TMTC1: variants seen among roughly 807,000 people sequenced by gnomAD.
TMTC1 encodes the protein transmembrane O-mannosyltransferase targeting cadherins 1.
TMTC1 carries 73 observed loss-of-function variants against 104.8 expected under a neutral mutation model. That is an observed-to-expected ratio of 0.70 (90% confidence interval 0.58 to 0.85). The LOEUF (loss-of-function observed/expected upper bound fraction) is 0.85, where lower values mean the gene tolerates loss of function less well. TMTC1 is among the 40% of genes least tolerant of loss of function. The pLI is 0.00. For synonymous variants in TMTC1, 434 were observed against 428.7 expected (o/e 1.01, Z -0.15); for missense variants, 1,035 against 1,096.1 (o/e 0.94, Z 0.79).
intron 6 of TMTC1, among the ~76,000 whole-genome samples, chr12:29,628,567 AG>A (rs1427762274): frequency 6.6e-6 from 1 of 152,196 alleles, no homozygotes. Context: ...AAACATTTAC[AG>A]TCTATTCTCT....
chr12:29,553,129 T>C (rs1945149806), intron 10 of TMTC1, among the ~76,000 whole-genome samples: 1 of 152,176 alleles, frequency 6.6e-6, no homozygotes, highest in Non-Finnish European at 1.5e-5. Context: ...AGTCTAATAT[T>C]ATGTAATGTT....
chr12:29,773,695 A>G (rs1943645311), intron 1 of TMTC1, among the ~76,000 whole-genome samples: 1 of 152,154 alleles, frequency 6.6e-6, no homozygotes, highest in African/African-American at 2.4e-5. Context: ...TCCTAGGGAC[A>G]ATATGATTAA....
In TMTC1 at chr12:29,616,311, A is replaced by T. The variant is rs1017305112; in HGVS notation, c.1129-12012T>A. On this transcript the variant is annotated intron_variant, in intron 6 of 17. Coordinates refer to ENST00000539277, the MANE Select transcript of TMTC1 (RefSeq NM_001193451.2). ...AGTTTCTATAACCTACTCCCCAAAAATCAACGCGCTCTCTGGCAAACACAA... is the reference window on the plus strand; with the variant it reads ...AGTTTCTATAACCTACTCCCCAAAATTCAACGCGCTCTCTGGCAAACACAA... Among the ~76,000 whole-genome samples the T allele has an allele frequency of 2.6e-5, 4 of 152,184 alleles. No individual in the cohort carries two copies. The East Asian group carries it at 7.7e-4, about 29-fold the overall frequency.
At chr12:29,536,587 G>C (rs935664360) in intron 10 of TMTC1, among the ~76,000 whole-genome samples, 1 of 152,064 alleles carries the variant, frequency 6.6e-6, no homozygotes. Flanking sequence ...TGCACTCTTC[G>C]AGAGTTATAT....
At chr12:29,746,369 G>A (rs1310834909) in intron 5 of TMTC1, among the ~76,000 whole-genome samples, 1 of 152,148 alleles carries the variant, frequency 6.6e-6, no homozygotes, top group African/African-American at 2.4e-5. Context: ...AATAATACAG[G>A]CTTTCAACAT....
chr12:29,592,841 G>A (rs1363032200), intron 7 of TMTC1, among the ~76,000 whole-genome samples: 1 of 152,124 alleles, frequency 6.6e-6, no homozygotes, highest in Non-Finnish European at 1.5e-5. Context: ...TTACTGTTAG[G>A]CAATTATTTT....
Position 29,703,234 on chromosome 12 carries a change from CTG to C in TMTC1, c.938+48430_938+48431del, listed in dbSNP as rs1941651027. Among the ~76,000 whole-genome samples the C allele has an allele frequency of 7.3e-5, 11 of 151,380 alleles. No homozygotes were observed. The South Asian group carries it at 2.3e-3, about 32-fold the overall frequency. On this transcript the variant is annotated intron_variant, in intron 5 of 17. Transcript: ENST00000539277. ...CAGGAAAAAAACAAAATAAGGAAAACTGTCTTTTGAAAGCATGAAAGAGTCAT... is the reference window on the plus strand; with the variant it reads ...CAGGAAAAAAACAAAATAAGGAAAACTCTTTTGAAAGCATGAAAGAGTCAT...
intron 3 of TMTC1, among the ~76,000 whole-genome samples, chr12:29,756,254 C>T (rs1943213166): frequency 6.6e-6 from 1 of 152,174 alleles, no homozygotes; most frequent in Non-Finnish European, 1.5e-5. Flanking sequence ...TAACCACAGC[C>T]GTCAATTAAC....
intron 9 of TMTC1, among the ~76,000 whole-genome samples, chr12:29,566,341 G>A (rs7315541): frequency 0.81 from 123,844 of 152,076 alleles, 52,041 homozygotes; most frequent in East Asian, 0.99. Context: ...GTGTCAGGGG[G>A]AGTAAGGGGG....
intron 1 of TMTC1, among the ~76,000 whole-genome samples, chr12:29,772,181 T>C (rs1028818494): frequency 6.6e-6 from 1 of 152,190 alleles, no homozygotes; most frequent in African/African-American, 2.4e-5. Flanking sequence ...TGGCTTCATA[T>C]AAAAATTTCC....
intron 7 of TMTC1, among the ~76,000 whole-genome samples, chr12:29,596,166 C>G (rs190552902): frequency 6.6e-6 from 1 of 152,268 alleles, no homozygotes; most frequent in East Asian, 1.9e-4. Flanking sequence ...GCCACCACGC[C>G]TGGATAATTT....
intron 1 of TMTC1, among the ~76,000 whole-genome samples, chr12:29,776,009 C>T (rs767169842): frequency 7.9e-5 from 12 of 152,162 alleles, no homozygotes; most frequent in Non-Finnish European, 1.8e-4. Flanking sequence ...AGAAAAAAAT[C>T]ACTGTCATGT....
intron 7 of TMTC1, among the ~76,000 whole-genome samples, chr12:29,585,131 T>C (rs1358631064): frequency 2.6e-5 from 4 of 150,946 alleles, no homozygotes; most frequent in Non-Finnish European, 5.9e-5. Flanking sequence ...TGATCGCCAT[T>C]CTAACTGGTG....
intron 7 of TMTC1, among the ~76,000 whole-genome samples, chr12:29,602,545 TAA>T (rs1946595573): frequency 6.6e-6 from 1 of 152,206 alleles, no homozygotes; most frequent in Admixed American, 6.5e-5. Context: ...CGATCATGTT[TAA>T]GCCAGAGTTT....
chr12:29,590,383 G>C (rs763549709), intron 7 of TMTC1, among the ~76,000 whole-genome samples: 1 of 152,178 alleles, frequency 6.6e-6, no homozygotes, highest in Admixed American at 6.5e-5. Flanking sequence ...ACACCCTGCA[G>C]CTTAACAATG....
At chr12:29,522,847 C>G (rs1322034172) in intron 11 of TMTC1, among the ~76,000 whole-genome samples, 1 of 152,138 alleles carries the variant, frequency 6.6e-6, no homozygotes, top group South Asian at 2.1e-4. Context: ...AACAATCATA[C>G]TTATCTTATA....
At chr12:29,588,089 G>T (rs114671420) in intron 7 of TMTC1, among the ~76,000 whole-genome samples, 12 of 152,070 alleles carry the variant, frequency 7.9e-5, no homozygotes, top group African/African-American at 2.9e-4. Flanking sequence ...AAAGTTTAGG[G>T]TTCATGGTTT....
intron 5 of TMTC1, among the ~76,000 whole-genome samples, chr12:29,674,754 C>G (rs74078918): frequency 0.035 from 5,338 of 152,242 alleles, 236 homozygotes; most frequent in African/African-American, 0.11. Flanking sequence ...AAGGGGGGGC[C>G]TTTTCCTAAT....
intron 10 of TMTC1, among the ~76,000 whole-genome samples, chr12:29,545,629 T>TCACACACACACACACACACA (rs55958433): frequency 1.6e-3 from 121 of 73,570 alleles, no homozygotes; most frequent in African/African-American, 5.8e-3. Flanking sequence ...CAAGACTCTG[T>TCACACACACACACACACACA]CACACACACA....
Sources: gnomAD v4.1 joint callset for allele counts (sites outside exome capture counted in the v4.1 genomes callset) on GRCh38, gnomAD v4.1.1 for gene constraint, MANE v1.5 for transcripts, NCBI Gene and HGNC (gene_info 2026-07-23, HGNC 2026-07-21) for gene names.